Variants in SLC15A1 observed in about 807,000 individuals in gnomAD.
The protein encoded by SLC15A1 is Caco-2 oligopeptide transporter.
A neutral mutation model predicts 92.9 loss-of-function variants in SLC15A1; 83 were observed. That is an observed-to-expected ratio of 0.89 (90% confidence interval 0.75 to 1.07). SLC15A1 has a LOEUF of 1.07. Ranked by LOEUF, SLC15A1 falls within the 50% of genes least tolerant of loss-of-function variation. The pLI, the probability that SLC15A1 is intolerant of heterozygous loss-of-function variation, is 0.00. For synonymous variants in SLC15A1, 322 were observed against 318.2 expected (o/e 1.01, Z -0.13); for missense variants, 857 against 880.1 (o/e 0.97, Z 0.33).
At chr13:98,694,933 C>A (rs2088009217) in intron 18 of SLC15A1, among the ~76,000 whole-genome samples, 1 of 141,978 alleles carries the variant, frequency 7.0e-6, no homozygotes, top group Non-Finnish European at 1.5e-5. Context: ...GAGGCTGAGG[C>A]AGGGGAACCG....
chr13:98,725,839 C>A (rs1040700494), intron 4 of SLC15A1, among the ~76,000 whole-genome samples: 1 of 152,194 alleles, frequency 6.6e-6, no homozygotes, highest in Non-Finnish European at 1.5e-5. Context: ...GATCCTCCCA[C>A]CTCAGCCTCC....
chr13:98,718,420 A>T (rs558275478), intron 8 of SLC15A1, among the ~76,000 whole-genome samples: 12 of 148,432 alleles, frequency 8.1e-5, no homozygotes, highest in African/African-American at 3.0e-4. Flanking sequence ...CCCAGGCTCA[A>T]GCAATCCTTC....
chr13:98,702,310 T>A (rs1487088293), intron 18 of SLC15A1, among the ~76,000 whole-genome samples, 170 bp downstream of exon 18: 1 of 152,220 alleles, frequency 6.6e-6, no homozygotes, highest in African/African-American at 2.4e-5. Flanking sequence ...TTTACTAAGA[T>A]GATGGGTTAT....
At chr13:98,708,967 C>CTTT (rs61087152) in intron 14 of SLC15A1, among the ~76,000 whole-genome samples, 200 bp from the exon 15 acceptor site, 7,791 of 126,618 alleles carry the variant, frequency 0.062, 400 homozygotes, top group East Asian at 0.18. Context: ...TGCATATTTA[C>CTTT]TTTTTTTTTT....
chr13:98,702,675 G>C, intron 17 of SLC15A1, 146 bp from the exon 18 acceptor site: 1 of 666,978 alleles, frequency 1.5e-6, no homozygotes. Flanking sequence ...GGCTCTGGAG[G>C]CCGGGCACAG....
chr13:98,745,669 C>A (rs1488981265), intron 1 of SLC15A1, among the ~76,000 whole-genome samples: 1 of 152,136 alleles, frequency 6.6e-6, no homozygotes, highest in East Asian at 1.9e-4. Flanking sequence ...CGGCTTCACC[C>A]CCAGAGCCTT....
intron 5 of SLC15A1, among the ~76,000 whole-genome samples, chr13:98,722,973 G>A (rs1241384529): frequency 6.6e-6 from 1 of 152,180 alleles, no homozygotes; most frequent in Non-Finnish European, 1.5e-5. Flanking sequence ...AGTCCTACAC[G>A]AAGTAGGTAC....
rs4644732 is a variant in SLC15A1, at chr13:98,734,891, C to T, written c.5-8032G>A. Among the ~76,000 whole-genome samples, 59 of 151,996 alleles carry T rather than the reference C, an allele frequency of 3.9e-4. 1 individual carries two copies. The highest frequency in any genetic ancestry group is 1.3e-3 in the African/African-American group (55 of 41,380). ...GTCCAGGACCAGATGGATTCACAGC[C>T]GAATTTAAAGGTACAAAGAGGAGCT... On this transcript the variant is annotated intron_variant, in intron 1 of 22. Coordinates refer to ENST00000376503, the MANE Select transcript of SLC15A1 (RefSeq NM_005073.4).
intron 15 of SLC15A1, 116 bp downstream of exon 15, chr13:98,708,570 T>C (rs1038665246): frequency 1.6e-5 from 13 of 824,824 alleles, no homozygotes; most frequent in Non-Finnish European, 2.2e-5. Flanking sequence ...CAGGGCTCAG[T>C]TTACAGAGAA....
chr13:98,747,696 C>G (rs933248659), intron 1 of SLC15A1, among the ~76,000 whole-genome samples: 24 of 152,246 alleles, frequency 1.6e-4, no homozygotes, highest in African/African-American at 5.8e-4. Context: ...TCCTGGCCAA[C>G]GTGGTGAAAC....
intron 11 of SLC15A1, among the ~76,000 whole-genome samples, chr13:98,710,890 G>A (rs1292781540): frequency 6.7e-6 from 1 of 149,308 alleles, no homozygotes; most frequent in Non-Finnish European, 1.5e-5. Context: ...CCTTATGGAT[G>A]TTCTCACACT....
chr13:98,710,770 T>G (rs2088154633), intron 11 of SLC15A1, among the ~76,000 whole-genome samples: 1 of 134,000 alleles, frequency 7.5e-6, no homozygotes, highest in Non-Finnish European at 1.5e-5. Flanking sequence ...ATAGTGCCAC[T>G]GTACTCCAGC....
chr13:98,688,972 C>A (rs572926911), intron 18 of SLC15A1, among the ~76,000 whole-genome samples: 1 of 152,196 alleles, frequency 6.6e-6, no homozygotes, highest in Non-Finnish European at 1.5e-5. Flanking sequence ...TGGAGTCTCG[C>A]TCTGTCACCC....
intron 1 of SLC15A1, among the ~76,000 whole-genome samples, chr13:98,742,472 C>T (rs2088456328): frequency 6.6e-6 from 1 of 152,212 alleles, no homozygotes; most frequent in Non-Finnish European, 1.5e-5. Flanking sequence ...GGGACAGCTC[C>T]TGGTCAGTGT....
intron 18 of SLC15A1, among the ~76,000 whole-genome samples, chr13:98,701,291 G>A (rs2088064783): frequency 6.6e-6 from 1 of 152,080 alleles, no homozygotes. Flanking sequence ...TCTGTGGGGG[G>A]AGATAGTATA....
At chr13:98,712,041 T>C (rs1289393) in intron 10 of SLC15A1, 98 bp from the exon 11 acceptor site, 424,155 of 868,940 alleles carry the variant, frequency 0.49, 109,147 homozygotes, top group Non-Finnish European at 0.55. Flanking sequence ...GACACAGATA[T>C]TTGCATCTAG....
At chr13:98,725,059 G>C (rs748423257) in intron 4 of SLC15A1, among the ~76,000 whole-genome samples, 2 of 152,056 alleles carry the variant, frequency 1.3e-5, no homozygotes, top group Non-Finnish European at 2.9e-5. Context: ...AGAGCTAGTT[G>C]TTGAAAAGAG....
intron 14 of SLC15A1, 49 bp downstream of exon 14, chr13:98,709,523 G>T (rs2139580189): frequency 2.0e-6 from 3 of 1,516,948 alleles, no homozygotes; most frequent in South Asian, 1.1e-5. Flanking sequence ...CATCTGCAAA[G>T]CCCTGGGACC....
Position 98,752,615 on chromosome 13 carries a change from G to A in SLC15A1, c.-17C>T. The A allele has an allele frequency of 5.6e-6, 7 of 1,253,696 alleles. No homozygotes were observed. The highest frequency in any genetic ancestry group is 7.0e-6 in the Non-Finnish European group (7 of 999,032). The allele number at this position is 1,253,696 out of a possible 1,614,324, so 77.7% of individuals were successfully genotyped here. On this transcript the variant is annotated 5_prime_UTR_variant, in exon 1 of 23. Transcript: ENST00000376503. ...CGTACCCATGGCGGCGGCTCCCAGG[G>A]CTCCTGCGACCTGCCGGCGGGACGT...
Sources: gnomAD v4.1 joint callset for allele counts (sites outside exome capture counted in the v4.1 genomes callset) on GRCh38, gnomAD v4.1.1 for gene constraint, MANE v1.5 for transcripts, NCBI Gene and HGNC (gene_info 2026-07-23, HGNC 2026-07-21) for gene names.